Variants in CPXM2 observed in about 807,000 individuals in gnomAD.
CPXM2 encodes carboxypeptidase X, M14 family member 2.
In CPXM2, 66 loss-of-function variants were observed where a neutral mutation model predicts 86.1. The observed-to-expected ratio is 0.77, with a 90% CI of 0.63 to 0.94. The LOEUF (loss-of-function observed/expected upper bound fraction) is 0.94, where lower values mean the gene tolerates loss of function less well. Ranked by LOEUF, CPXM2 falls within the 40% of genes least tolerant of loss-of-function variation. The pLI, the probability that CPXM2 is intolerant of heterozygous loss-of-function variation, is 0.00. For missense variants in CPXM2, 948 were observed against 1,026.3 expected (o/e 0.92, Z 1.04); for synonymous variants, 388 against 400.2 (o/e 0.97, Z 0.36).
At chr10:123,764,325 C>A (rs530936972) in intron 10 of CPXM2, among the ~76,000 whole-genome samples, 1 of 152,072 alleles carries the variant, frequency 6.6e-6, no homozygotes, top group Non-Finnish European at 1.5e-5. Context: ...CCTAAAATAG[C>A]CTCCCTTACA....
intron 7 of CPXM2, among the ~76,000 whole-genome samples, chr10:123,775,276 T>C (rs1846757775): frequency 6.6e-6 from 1 of 152,256 alleles, no homozygotes. Context: ...TCGTCCCTGC[T>C]GATGCAGTCA....
chr10:123,748,857 C>A (rs1221966501), intron 13 of CPXM2, among the ~76,000 whole-genome samples: 1 of 152,110 alleles, frequency 6.6e-6, no homozygotes, highest in Non-Finnish European at 1.5e-5. Context: ...CACGTGCCCT[C>A]CCTGTCCTCT....
chr10:123,824,613 A>G (rs1220350765), intron 4 of CPXM2, among the ~76,000 whole-genome samples: 20 of 152,192 alleles, frequency 1.3e-4, no homozygotes, highest in Admixed American at 7.2e-4. Flanking sequence ...GTCAACCTGT[A>G]GTGCTGGATG....
intron 11 of CPXM2, 62 bp downstream of exon 11, chr10:123,761,810 G>A (rs909957120): frequency 1.3e-4 from 194 of 1,512,530 alleles, no homozygotes; most frequent in Non-Finnish European, 1.6e-4. Context: ...GGAGGGCCAG[G>A]AGGAGACCCC....
At chr10:123,880,167 A>AAG in intron 2 of CPXM2, 44 bp downstream of exon 2, 2 of 282,906 alleles carry the variant, frequency 7.1e-6, no homozygotes, top group Middle Eastern at 1.3e-3. Context: ...CTCCCTGAAC[A>AAG]GGGCCTAGGA....
At chr10:123,780,017 C>T (rs1334262566) in intron 7 of CPXM2, 150 bp downstream of exon 7, 1 of 560,274 alleles carries the variant, frequency 1.8e-6, no homozygotes, top group Middle Eastern at 5.2e-4. Flanking sequence ...CTTGAAATGA[C>T]AAGCATTTAG....
At chr10:123,774,476 T>C (rs1399530083) in intron 7 of CPXM2, among the ~76,000 whole-genome samples, 1 of 152,232 alleles carries the variant, frequency 6.6e-6, no homozygotes, top group East Asian at 1.9e-4. Flanking sequence ...GTTGGAGTTA[T>C]ATGGCTGTGT....
rs535708347 is a variant in CPXM2 at position 123,888,395 on chromosome 10, A to G, written c.304+2961T>C. 4.5e-4 allele frequency among the ~76,000 whole-genome samples: 68 copies of G among 152,304 alleles called. 1 individual carries two copies. In the South Asian group the frequency reaches 0.014, roughly 32 times the overall value. ...TCACTCCCACCTCAGTGCCTCATAC[A>G]TAGCATTGCATCATCCACCCAGTGA... On this transcript the variant is annotated intron_variant, in intron 1 of 13. Transcript: ENST00000241305.
intron 2 of CPXM2, among the ~76,000 whole-genome samples, chr10:123,877,599 C>T (rs2134225239): frequency 6.6e-6 from 1 of 152,294 alleles, no homozygotes; most frequent in Non-Finnish European, 1.5e-5. Flanking sequence ...ACACATGATC[C>T]CTTCACCATC....
chr10:123,887,832 T>A (rs1452107750), intron 1 of CPXM2, among the ~76,000 whole-genome samples: 1 of 152,162 alleles, frequency 6.6e-6, no homozygotes, highest in Non-Finnish European at 1.5e-5. Flanking sequence ...AAAGCGTACA[T>A]GGGGCCTCAG....
intron 2 of CPXM2, among the ~76,000 whole-genome samples, chr10:123,926,259 C>T (rs1372075916): frequency 1.3e-5 from 2 of 152,244 alleles, no homozygotes; most frequent in Admixed American, 6.5e-5. Context: ...ATGGTTTCCT[C>T]CACCTTCTGC....
intron 3 of CPXM2, among the ~76,000 whole-genome samples, chr10:123,846,135 G>A (rs1240379710): frequency 6.6e-6 from 1 of 152,176 alleles, no homozygotes; most frequent in Admixed American, 6.5e-5. Flanking sequence ...GGGGGTGGGG[G>A]ATGGTTTTGG....
chr10:123,838,190 G>A (rs562550241), intron 4 of CPXM2, among the ~76,000 whole-genome samples: 4 of 152,324 alleles, frequency 2.6e-5, no homozygotes, highest in South Asian at 4.1e-4. Flanking sequence ...GGCAAGGCAC[G>A]ATGGCTCATG....
intron 2 of CPXM2, among the ~76,000 whole-genome samples, chr10:123,932,589 C>T (rs1945675104): frequency 6.6e-6 from 1 of 152,240 alleles, no homozygotes; most frequent in Admixed American, 6.5e-5. Flanking sequence ...CTCCCTGTCC[C>T]ACTCTGCTCC....
chr10:123,792,539 G>C (rs1847228718), intron 6 of CPXM2, among the ~76,000 whole-genome samples: 1 of 152,154 alleles, frequency 6.6e-6, no homozygotes, highest in Admixed American at 6.5e-5. Context: ...GAAGCCAGGG[G>C]ACAGCAGAGA....
chr10:123,893,515 C>A (rs1945306314), upstream of CPXM2, among the ~76,000 whole-genome samples: 1 of 152,184 alleles, frequency 6.6e-6, no homozygotes, highest in South Asian at 2.1e-4. Context: ...TGAGGCAGGG[C>A]CTGTCTGCAG....
intron 2 of CPXM2, among the ~76,000 whole-genome samples, chr10:123,920,164 G>T (rs562569159): frequency 1.3e-5 from 2 of 152,202 alleles, no homozygotes; most frequent in South Asian, 4.1e-4. Flanking sequence ...AGAGATAAAA[G>T]ATTAAAAATA....
chr10:123,926,392 C>T (rs1416927687), intron 2 of CPXM2, among the ~76,000 whole-genome samples: 1 of 152,238 alleles, frequency 6.6e-6, no homozygotes, highest in Non-Finnish European at 1.5e-5. Context: ...ATACCTCTAC[C>T]ATGGCACCTA....
At chr10:123,765,717 G>A (rs913848391) in intron 10 of CPXM2, among the ~76,000 whole-genome samples, 1 of 152,156 alleles carries the variant, frequency 6.6e-6, no homozygotes, top group Non-Finnish European at 1.5e-5. Flanking sequence ...TGGCATTGCC[G>A]CCGTCTGTCT....
Sources: gnomAD v4.1 joint callset for allele counts (sites outside exome capture counted in the v4.1 genomes callset) on GRCh38, gnomAD v4.1.1 for gene constraint, MANE v1.5 for transcripts, NCBI Gene and HGNC (gene_info 2026-07-23, HGNC 2026-07-21) for gene names.